Variants in NKAIN2 observed in about 807,000 individuals in gnomAD.
NKAIN2 encodes the protein sodium/potassium-transporting ATPase subunit beta-1-interacting protein 2.
Under a neutral mutation model 32.6 loss-of-function variants are expected in NKAIN2, and 14 were observed. The ratio of observed to expected loss-of-function variants is 0.43; its 90% CI spans 0.28 to 0.67. NKAIN2 has a LOEUF of 0.67. NKAIN2 is among the 30% of genes least tolerant of loss of function. NKAIN2 has a pLI of 0.17. For synonymous variants in NKAIN2, 80 were observed against 87.2 expected, an observed-to-expected ratio of 0.92 and a Z score of 0.46; for missense variants, 198 against 258.3, an observed-to-expected ratio of 0.77 and a Z score of 1.60.
intron 4 of NKAIN2, among the ~76,000 whole-genome samples, chr6:124,712,231 CA>C (rs1421378843): frequency 1.3e-5 from 2 of 148,148 alleles, no homozygotes; most frequent in African/African-American, 2.5e-5. Flanking sequence ...AGCTGTCAGA[CA>C]GGGACATTTA....
intron 1 of NKAIN2, among the ~76,000 whole-genome samples, chr6:123,910,499 G>GTGTTTTTTTTTTTTTTTTTTTTTTT (rs1491095246): frequency 1.2e-5 from 1 of 81,318 alleles, no homozygotes; most frequent in African/African-American, 5.0e-5. Context: ...TGCAATGCAT[G>GTGTTTTTTTTTTTTTTTTTTTTTTT]TTTTTTTTTT....
At position 123,946,185 on chromosome 6, in the gene NKAIN2, G is replaced by A. The variant is rs190768446; in HGVS notation, c.54+141931G>A. ...GAATTCAGTTGGTGAGCAGAGTGAA[G>A]TATTTATCTTAAAATTAAAAAGAGC... On this transcript the variant is annotated intron_variant, in intron 1 of 6. Coordinates refer to ENST00000368417, the MANE Select transcript of NKAIN2 (RefSeq NM_001040214.3). Among the ~76,000 whole-genome samples, 335 of 152,216 alleles carry A rather than the reference G, an allele frequency of 2.2e-3. 1 individual carries two copies. The highest frequency in any genetic ancestry group is 7.5e-3 in the African/African-American group (311 of 41,540).
chr6:124,153,517 T>G (rs1787835912), intron 1 of NKAIN2, among the ~76,000 whole-genome samples: 1 of 151,820 alleles, frequency 6.6e-6, no homozygotes, highest in Non-Finnish European at 1.5e-5. Flanking sequence ...TACTTCTACT[T>G]ATTAAATCTT....
chr6:124,044,013 C>G (rs2114816362), intron 1 of NKAIN2, among the ~76,000 whole-genome samples: 1 of 152,136 alleles, frequency 6.6e-6, no homozygotes, highest in Middle Eastern at 3.4e-3. Context: ...AAAACATTGA[C>G]TTAGGCGAGT....
At chr6:123,978,571 C>T (rs1419828223) in intron 1 of NKAIN2, among the ~76,000 whole-genome samples, 1 of 152,112 alleles carries the variant, frequency 6.6e-6, no homozygotes. Context: ...GTCTCCTAGT[C>T]TCCCAGAAAA....
chr6:124,447,369 G>C (rs759463015), intron 3 of NKAIN2, among the ~76,000 whole-genome samples: 8 of 152,076 alleles, frequency 5.3e-5, no homozygotes, highest in African/African-American at 1.7e-4. Context: ...AATTTTTAAG[G>C]TTAAAATATA....
rs184639859 is a variant in NKAIN2 at position 124,744,633 on chromosome 6, A to G, written c.475-46706A>G. Among the ~76,000 whole-genome samples the G allele has an allele frequency of 2.2e-3, 335 of 151,940 alleles. 1 individual carries two copies. Among genetic ancestry groups the G allele is most frequent in the African/African-American group, 7.4e-3 (308 of 41,524 alleles). On this transcript the variant is annotated intron_variant, in intron 4 of 6. Coordinates refer to ENST00000368417, the MANE Select transcript of NKAIN2 (RefSeq NM_001040214.3). Reference sequence around the variant, plus strand: ...ATAATCTAAAATTTAGTTCCCAGCCACTTCGAAAGTAAGTACATTTATTAC... The same window carrying G: ...ATAATCTAAAATTTAGTTCCCAGCCGCTTCGAAAGTAAGTACATTTATTAC...
chr6:124,267,011 A>C (rs1794523537), intron 1 of NKAIN2, among the ~76,000 whole-genome samples: 1 of 151,698 alleles, frequency 6.6e-6, no homozygotes, highest in African/African-American at 2.4e-5. Flanking sequence ...TAAAGATAGA[A>C]AAGACATTTT....
intron 4 of NKAIN2, among the ~76,000 whole-genome samples, chr6:124,728,988 C>G (rs1358182658): frequency 6.7e-6 from 1 of 149,584 alleles, no homozygotes; most frequent in East Asian, 2.0e-4. Context: ...AACACATACA[C>G]TCTCCCAAGA....
chr6:124,581,464 A>AAG (rs1562267905), intron 3 of NKAIN2, among the ~76,000 whole-genome samples: 3 of 147,846 alleles, frequency 2.0e-5, no homozygotes, highest in Non-Finnish European at 3.0e-5. Context: ...AAAAAAAAAA[A>AAG]AAAAAAGAAA....
At chr6:124,413,664 G>C (rs1193127470) in intron 3 of NKAIN2, among the ~76,000 whole-genome samples, 1 of 152,088 alleles carries the variant, frequency 6.6e-6, no homozygotes, top group South Asian at 2.1e-4. Flanking sequence ...ATAATATTAA[G>C]TGTTCTGGAC....
At chr6:124,779,956 T>G (rs1402147218) in intron 4 of NKAIN2, among the ~76,000 whole-genome samples, 1 of 152,332 alleles carries the variant, frequency 6.6e-6, no homozygotes, top group South Asian at 2.1e-4. Context: ...GTCTCAAAAG[T>G]TAGTGATAAA....
intron 1 of NKAIN2, among the ~76,000 whole-genome samples, chr6:123,909,445 A>G (rs1002211876): frequency 6.6e-6 from 1 of 152,298 alleles, no homozygotes; most frequent in African/African-American, 2.4e-5. Flanking sequence ...GCTCTACACC[A>G]TCAGTCCTGC....
At chr6:124,469,868 G>T (rs535755477) in intron 3 of NKAIN2, among the ~76,000 whole-genome samples, 1 of 152,072 alleles carries the variant, frequency 6.6e-6, no homozygotes, top group East Asian at 1.9e-4. Context: ...TCTTCTCCCC[G>T]TCACCTCTTC....
At chr6:124,215,811 C>G (rs891201135) in intron 1 of NKAIN2, among the ~76,000 whole-genome samples, 1 of 152,082 alleles carries the variant, frequency 6.6e-6, no homozygotes, top group African/African-American at 2.4e-5. Context: ...AGGAACACCT[C>G]TAGAAGACTG....
intron 3 of NKAIN2, among the ~76,000 whole-genome samples, chr6:124,572,762 T>A (rs541209017): frequency 3.6e-4 from 55 of 152,360 alleles, no homozygotes; most frequent in African/African-American, 1.3e-3. Flanking sequence ...TTAAATTAAA[T>A]AATTATATCA....
chr6:124,317,772 C>T lies in NKAIN2; in HGVS notation c.192+34630C>T, dbSNP rs528091851. ...TTCATTTATTTTGATCATCAGACTA[C>T]TAGGTTATTCACATCTTGTGAAACT... On this transcript the variant is annotated intron_variant, in intron 2 of 6. Coordinates refer to ENST00000368417, the MANE Select transcript of NKAIN2 (RefSeq NM_001040214.3). 5.3e-5 allele frequency among the ~76,000 whole-genome samples: 8 copies of T among 152,186 alleles called. No individual in the cohort carries two copies. The South Asian group carries it at 1.5e-3, about 28-fold the overall frequency.
intron 3 of NKAIN2, among the ~76,000 whole-genome samples, chr6:124,429,237 G>T (rs1374552529): frequency 1.3e-5 from 2 of 150,620 alleles, no homozygotes; most frequent in Admixed American, 6.6e-5. Context: ...TAGTAGAGAC[G>T]AGGTTTCACT....
At chr6:124,165,472 A>G (rs997415376) in intron 1 of NKAIN2, among the ~76,000 whole-genome samples, 1 of 151,968 alleles carries the variant, frequency 6.6e-6, no homozygotes, top group Non-Finnish European at 1.5e-5. Context: ...TGTTAGTAAA[A>G]TATGTCCTCC....
Sources: allele counts gnomAD v4.1 joint callset (sites outside exome capture counted in the v4.1 genomes callset), GRCh38; gene constraint gnomAD v4.1.1; transcripts MANE v1.5; gene names NCBI Gene and HGNC (gene_info 2026-07-23, HGNC 2026-07-21).